LPAR3: variants seen among roughly 807,000 people sequenced by gnomAD.
LPAR3 encodes lysophosphatidic acid receptor 3.
In LPAR3, 7 loss-of-function variants were observed where a neutral mutation model predicts 17.8. The ratio of observed to expected loss-of-function variants is 0.39; its 90% CI spans 0.22 to 0.74. The LOEUF (loss-of-function observed/expected upper bound fraction) is 0.74. Among genes scored for constraint, LPAR3 ranks in the 30% least tolerant of loss-of-function variants. The probability of loss-of-function intolerance (pLI) is 0.40; values close to 1 mark genes in which losing one functional copy is unlikely to be tolerated. For synonymous variants in LPAR3, 179 were observed against 179.9 expected, an observed-to-expected ratio of 0.99 and a Z score of 0.04; for missense variants, 391 against 453.4, an observed-to-expected ratio of 0.86 and a Z score of 1.25.
chr1:84,845,529 T>C (rs1356288350), intron 2 of LPAR3, among the ~76,000 whole-genome samples: 1 of 152,198 alleles, frequency 6.6e-6, no homozygotes, highest in South Asian at 2.1e-4. Context: ...ACTAGGATTA[T>C]AGTCAGGAGC....
At chr1:84,826,464 T>C (rs1426190160) in intron 2 of LPAR3, among the ~76,000 whole-genome samples, 1 of 152,070 alleles carries the variant, frequency 6.6e-6, no homozygotes, top group Non-Finnish European at 1.5e-5. Flanking sequence ...AATCTTTAAG[T>C]CTTTACATTT....
At chr1:84,892,715 TG>T (rs1660575447) in intron 1 of LPAR3, among the ~76,000 whole-genome samples, 1 of 152,232 alleles carries the variant, frequency 6.6e-6, no homozygotes, top group Admixed American at 6.5e-5. Flanking sequence ...GGCGCTCTCC[TG>T]GCCTCTGCGC....
chr1:84,871,641 C>A (rs1660159933), intron 1 of LPAR3, among the ~76,000 whole-genome samples: 1 of 152,276 alleles, frequency 6.6e-6, no homozygotes, highest in Non-Finnish European at 1.5e-5. Flanking sequence ...CTCTAGCAAC[C>A]AATCCTGGGT....
intron 2 of LPAR3, among the ~76,000 whole-genome samples, chr1:84,855,291 C>G (rs1316788434): frequency 2.0e-5 from 3 of 152,232 alleles, no homozygotes; most frequent in African/African-American, 7.2e-5. Flanking sequence ...ACACACCATA[C>G]TATTCCAGAT....
At chr1:84,831,534 TATATC>T (rs1254902479) in intron 2 of LPAR3, among the ~76,000 whole-genome samples, 2 of 104,998 alleles carry the variant, frequency 1.9e-5, no homozygotes, top group African/African-American at 5.8e-5. Context: ...TATATCATCA[TATATC>T]ATATATATCA....
chr1:84,835,995 C>T (rs1439248810), intron 2 of LPAR3, among the ~76,000 whole-genome samples: 1 of 149,176 alleles, frequency 6.7e-6, no homozygotes, highest in Non-Finnish European at 1.5e-5. Flanking sequence ...GAATGCCCCC[C>T]CAACCCCGGC....
intron 2 of LPAR3, among the ~76,000 whole-genome samples, chr1:84,842,265 T>C (rs1329993017): frequency 1.3e-5 from 2 of 152,212 alleles, no homozygotes; most frequent in Non-Finnish European, 2.9e-5. Flanking sequence ...CATTTAAGTA[T>C]AGGGCAAGAA....
At chr1:84,866,749 C>A (rs1660058138) in intron 1 of LPAR3, among the ~76,000 whole-genome samples, 1 of 152,176 alleles carries the variant, frequency 6.6e-6, no homozygotes, top group South Asian at 2.1e-4. Flanking sequence ...ACTCCTGATC[C>A]TCCTTTTGCC....
intron 2 of LPAR3, among the ~76,000 whole-genome samples, chr1:84,862,607 A>G (rs1005146278): frequency 2.0e-5 from 3 of 152,232 alleles, no homozygotes; most frequent in Admixed American, 2.0e-4. Flanking sequence ...TGTTAAATAA[A>G]TCCTCAGTTT....
intron 1 of LPAR3, among the ~76,000 whole-genome samples, chr1:84,876,806 C>A (rs1341203943): frequency 6.6e-6 from 1 of 152,172 alleles, no homozygotes; most frequent in African/African-American, 2.4e-5. Flanking sequence ...ATCTAGTACA[C>A]TTTTCCTAAT....
At chr1:84,820,728 A>G (rs1659035963) in intron 2 of LPAR3, among the ~76,000 whole-genome samples, 1 of 152,162 alleles carries the variant, frequency 6.6e-6, no homozygotes, top group Admixed American at 6.5e-5. Context: ...TTAGGCACCC[A>G]TTGTATGTAA....
chr1:84,830,783 G>A (rs1659267939), intron 2 of LPAR3, among the ~76,000 whole-genome samples: 1 of 152,018 alleles, frequency 6.6e-6, no homozygotes, highest in Non-Finnish European at 1.5e-5. Flanking sequence ...ATGTAGAATG[G>A]CTCACTCCAT....
chr1:84,888,265 A>C (rs1476697124), intron 1 of LPAR3, among the ~76,000 whole-genome samples: 2 of 152,082 alleles, frequency 1.3e-5, no homozygotes, highest in African/African-American at 4.8e-5. Context: ...AGACATAGAA[A>C]AAGATTATAC....
intron 2 of LPAR3, among the ~76,000 whole-genome samples, chr1:84,831,716 T>G (rs1659286774): frequency 6.6e-6 from 1 of 151,548 alleles, no homozygotes; most frequent in East Asian, 1.9e-4. Context: ...ACCCATGGCC[T>G]GTAAGAAGAG....
chr1:84,829,631 C>G (rs1484764565), intron 2 of LPAR3, among the ~76,000 whole-genome samples: 1 of 151,336 alleles, frequency 6.6e-6, no homozygotes, highest in Non-Finnish European at 1.5e-5. Context: ...CAGTCAGGCT[C>G]ATGCTCAAGA....
At chr1:84,817,779 C>T (rs1480341128) in intron 2 of LPAR3, among the ~76,000 whole-genome samples, 3 of 150,304 alleles carry the variant, frequency 2.0e-5, no homozygotes, top group African/African-American at 4.9e-5. Context: ...TCCATCTCTC[C>T]CTCCCTTTCT....
chr1:84,874,647 C>T (rs1398138995), intron 1 of LPAR3, among the ~76,000 whole-genome samples: 1 of 152,144 alleles, frequency 6.6e-6, no homozygotes, highest in Non-Finnish European at 1.5e-5. Context: ...TAACACAAAT[C>T]TTTACTTGTG....
In LPAR3 at chr1:84,813,126, A is replaced by AATTATATATAT. The variant is rs1658846788; in HGVS notation, c.*719_*720insATATATATAAT. ...ATCAATAAAAATCAGTAAAAACAGG[A>AATTATATATAT]ATATATATATATATATATATATATA... is the stretch of plus-strand genomic sequence containing the variant. On this transcript the variant is annotated 3_prime_UTR_variant, in exon 3 of 3. Coordinates refer to ENST00000370611, the MANE Select transcript of LPAR3 (RefSeq NM_012152.3). 1.4e-5 allele frequency: 1 copy of AATTATATATAT among 71,598 alleles called. No individual in the cohort carries two copies. The highest frequency in any genetic ancestry group is 7.6e-5 in the African/African-American group (1 of 13,092). The allele number at this position is 71,598 out of a possible 1,614,324, so 4.4% of individuals were successfully genotyped here. A position where few individuals can be genotyped will look rare whatever the true frequency, so the allele number is the denominator to read the frequency against.
At chr1:84,859,408 C>T (rs1201545436) in intron 2 of LPAR3, among the ~76,000 whole-genome samples, 1 of 152,128 alleles carries the variant, frequency 6.6e-6, no homozygotes, top group African/African-American at 2.4e-5. Flanking sequence ...GTTTTAATTA[C>T]CACAAGCCCT....
Sources: gnomAD v4.1 joint callset for allele counts (sites outside exome capture counted in the v4.1 genomes callset) on GRCh38, gnomAD v4.1.1 for gene constraint, MANE v1.5 for transcripts, NCBI Gene and HGNC (gene_info 2026-07-23, HGNC 2026-07-21) for gene names.